The following PPP2R2D variants were observed in gnomAD, a reference collection of about 807,000 sequenced individuals.
PPP2R2D encodes the protein protein phosphatase 2 regulatory subunit Bdelta.
PPP2R2D carries 9 observed loss-of-function variants against 31.1 expected under a neutral mutation model. That is an observed-to-expected ratio of 0.29 (90% CI 0.17 to 0.51). The LOEUF (loss-of-function observed/expected upper bound fraction) is 0.51. Among genes scored for constraint, PPP2R2D ranks in the 20% least tolerant of loss-of-function variants. PPP2R2D has a pLI of 0.98. For synonymous variants in PPP2R2D, 179 were observed against 172.6 expected (o/e 1.04, Z -0.29); for missense variants, 391 against 465.6 (o/e 0.84, Z 1.48).
intron 2 of PPP2R2D, among the ~76,000 whole-genome samples, chr10:131,924,512 A>G (rs1296573337): frequency 2.0e-5 from 3 of 152,088 alleles, no homozygotes; most frequent in African/African-American, 4.8e-5. Context: ...CTGACCTCTG[A>G]TCCATTGGTC....
chr10:131,917,480 G>A (rs1363065263), intron 2 of PPP2R2D, among the ~76,000 whole-genome samples: 3 of 126,082 alleles, frequency 2.4e-5, no homozygotes, highest in African/African-American at 9.1e-5. Context: ...TGGAATGACA[G>A]TGTTTGTAGG....
Position 131,949,587 on chromosome 10 carries a change from G to A in PPP2R2D, c.1082+1796G>A, listed in dbSNP as rs1405998814. ...GAACCTCCGAGAAGGCAGCTGTTGA[G>A]ATCCTAAGTTAAAGAAGATAAACTA... On this transcript the variant is annotated intron_variant, in intron 8 of 8. Transcript: ENST00000455566. 2.6e-5 allele frequency among the ~76,000 whole-genome samples: 4 copies of A among 152,160 alleles called. No homozygotes were observed. The East Asian group carries it at 5.8e-4, about 22-fold the overall frequency.
At chr10:131,944,641 G>A (rs782061539) in intron 6 of PPP2R2D, among the ~76,000 whole-genome samples, 2 of 152,130 alleles carry the variant, frequency 1.3e-5, no homozygotes, top group South Asian at 2.1e-4. Context: ...GGCTTGCTTC[G>A]TCTGCAGCCT....
At chr10:131,901,583 C>T (rs1295604210) in intron 2 of PPP2R2D, among the ~76,000 whole-genome samples, 2 of 152,152 alleles carry the variant, frequency 1.3e-5, no homozygotes, top group South Asian at 2.1e-4. Context: ...AGGTCACGGG[C>T]GGCCGGGTCC....
At chr10:131,961,590 G>T (rs192318210), downstream of PPP2R2D, among the ~76,000 whole-genome samples, 1 of 152,320 alleles carries the variant, frequency 6.6e-6, no homozygotes, top group Non-Finnish European at 1.5e-5. Context: ...CAGATCTCTG[G>T]TGACAGTGCG....
the PPP2R2D span, chr10:131,969,167 A>C: frequency 4.6e-5 from 7 of 152,796 alleles, no homozygotes; most frequent in Non-Finnish European, 8.8e-5. Context: ...CTGTGAGCGC[A>C]GACAGTGCTG....
Position 131,947,864 on chromosome 10 carries a change from G to A in PPP2R2D, c.1082+73G>A. Reference sequence around the variant, plus strand: ...CGAGAGTGCAAGGTCAGTGAGGGAGGCGAGCTGTCCTCCAGCGTCAGAGGA... The same window carrying A: ...CGAGAGTGCAAGGTCAGTGAGGGAGACGAGCTGTCCTCCAGCGTCAGAGGA... On this transcript the variant is annotated intron_variant, in intron 8 of 8. Coordinates refer to ENST00000455566, the MANE Select transcript of PPP2R2D (RefSeq NM_018461.5). The surrounding 1 kb of genome is among the most constrained non-coding windows in gnomAD (Gnocchi z 4.3). 1 of 1,567,006 alleles carries A rather than the reference G, an allele frequency of 6.4e-7. No individual in the cohort carries two copies. The highest frequency in any genetic ancestry group is 8.7e-7 in the Non-Finnish European group (1 of 1,150,178).
At chr10:131,929,061 C>T (rs2036159198) in intron 2 of PPP2R2D, among the ~76,000 whole-genome samples, 1 of 152,226 alleles carries the variant, frequency 6.6e-6, no homozygotes, top group African/African-American at 2.4e-5. Context: ...TGTTTCTCTC[C>T]AGATGCAGTT....
In PPP2R2D at chr10:131,905,626, G is replaced by A. The variant is rs917704631; in HGVS notation, c.100+4296G>A. ...AGATTGCTCGCAGTGCTTTTCCTAT[G>A]TCAGTGAATCTTCACACCACCGAAG... On this transcript the variant is annotated intron_variant, in intron 2 of 8. Coordinates refer to ENST00000455566, the MANE Select transcript of PPP2R2D (RefSeq NM_018461.5). Among the ~76,000 whole-genome samples the A allele has an allele frequency of 5.8e-4, 88 of 152,288 alleles. No homozygotes were observed. The East Asian group carries it at 0.016, about 27-fold the overall frequency.
chr10:131,926,263 A>G (rs947434849), intron 2 of PPP2R2D, among the ~76,000 whole-genome samples: 8 of 152,018 alleles, frequency 5.3e-5, no homozygotes, highest in Non-Finnish European at 1.2e-4. Flanking sequence ...ATTCACTTCT[A>G]TTAGTTTATG....
chr10:131,938,884 G>T (rs1004483226), intron 3 of PPP2R2D, among the ~76,000 whole-genome samples: 2 of 152,218 alleles, frequency 1.3e-5, no homozygotes, highest in Admixed American at 1.3e-4. Flanking sequence ...TCAGGCCCGT[G>T]CTGGCTCTCC....
At chr10:131,927,304 A>T (rs1245049906) in intron 2 of PPP2R2D, among the ~76,000 whole-genome samples, 1 of 152,104 alleles carries the variant, frequency 6.6e-6, no homozygotes, top group Non-Finnish European at 1.5e-5. Context: ...GGGGTGTGAG[A>T]CAACAGAGAG....
rs564706742 is a variant in PPP2R2D, at chr10:131,943,382, A to G, written c.478-586A>G. ...TACCTCCAGATAAGACATCTGCCCT[A>G]TAAGTGACCAGCTCCATGAATGTTT... On this transcript the variant is annotated intron_variant, in intron 5 of 8. Coordinates refer to ENST00000455566, the MANE Select transcript of PPP2R2D (RefSeq NM_018461.5). Among the ~76,000 whole-genome samples the G allele has an allele frequency of 1.4e-4, 22 of 152,278 alleles. No homozygotes were observed. The East Asian group carries it at 3.1e-3, about 21-fold the overall frequency.
intron 2 of PPP2R2D, among the ~76,000 whole-genome samples, chr10:131,928,505 T>G (rs2036148089): frequency 6.6e-6 from 1 of 152,244 alleles, no homozygotes; most frequent in Non-Finnish European, 1.5e-5. Flanking sequence ...ATAGACTGAT[T>G]GTGGTACTTG....
downstream of PPP2R2D, among the ~76,000 whole-genome samples, chr10:131,960,399 C>G (rs2036907253): frequency 6.6e-6 from 1 of 152,176 alleles, no homozygotes; most frequent in African/African-American, 2.4e-5. Flanking sequence ...ACACTTTCTT[C>G]GTAAGTGGAT....
At chr10:131,914,926 TAA>T (rs2035750419) in intron 2 of PPP2R2D, among the ~76,000 whole-genome samples, 2 of 152,022 alleles carry the variant, frequency 1.3e-5, no homozygotes, top group Admixed American at 6.5e-5. Flanking sequence ...TAAGAAAAGG[TAA>T]AGAGGGAGTT....
the PPP2R2D span, chr10:131,971,198 T>A: frequency 1.8e-6 from 1 of 550,570 alleles, no homozygotes; most frequent in Admixed American, 3.2e-5. Context: ...ACAGATCACC[T>A]CTGGGGGAGC....
Position 131,901,263 on chromosome 10 carries a change from G to A in PPP2R2D, c.33G>A (p.Ala11=). The part of the protein sequence containing the change: MAGAGGGGCP[A]GGNDFQWCFS... ...GAGCCGGAGGCGGCGGCTGCCCCGC[G>A]GGCGGCAACGACTTCCAGTGGTGCT... Residue 11 remains alanine (A), a synonymous_variant, in exon 2 of 9, where the codon GCG becomes GCA. Transcript: ENST00000455566. 2.8e-6 allele frequency: 1 copy of A among 359,258 alleles called. No homozygotes were observed. Among genetic ancestry groups the A allele is most frequent in the Non-Finnish European group, 5.0e-6 (1 of 200,702 alleles). 22.3% of individuals were successfully genotyped at this position (359,258 alleles called of 1,614,324 possible). A position where few individuals can be genotyped will look rare whatever the true frequency, so the allele number is the denominator to read the frequency against.
chr10:131,907,833 G>A (rs1484096347), intron 2 of PPP2R2D, among the ~76,000 whole-genome samples: 8 of 152,122 alleles, frequency 5.3e-5, no homozygotes, highest in Non-Finnish European at 8.8e-5. Flanking sequence ...TCGTTACATC[G>A]TGAAGTTAAG....
Sources: allele counts gnomAD v4.1 joint callset (sites outside exome capture counted in the v4.1 genomes callset), GRCh38; gene constraint gnomAD v4.1.1; non-coding constraint Gnocchi (gnomAD v3.1); transcripts MANE v1.5; gene names NCBI Gene and HGNC (gene_info 2026-07-23, HGNC 2026-07-21).